Variants in CSMD1 observed in about 807,000 individuals in gnomAD.
CSMD1 encodes CUB and sushi domain-containing protein 1.
Under a neutral mutation model 417.5 loss-of-function variants are expected in CSMD1, and 213 were observed. That is an observed-to-expected ratio of 0.51 (90% confidence interval 0.46 to 0.57). CSMD1 has a LOEUF of 0.57. CSMD1 is among the 20% of genes least tolerant of loss of function. The probability of loss-of-function intolerance (pLI) is 0.00; values close to 1 mark genes in which losing one functional copy is unlikely to be tolerated. For missense variants in CSMD1, 6,923 were observed against 4,529.7 expected (o/e 1.53, Z -15.17); for synonymous variants, 2,862 against 1,736.8 (o/e 1.65, Z -16.11).
At chr8:3,286,684 T>C (rs955048413) in intron 25 of CSMD1, among the ~76,000 whole-genome samples, 2 of 151,510 alleles carry the variant, frequency 1.3e-5, no homozygotes, top group Admixed American at 6.6e-5. Context: ...GTTTTTTTCT[T>C]GTAAATTTGT....
intron 5 of CSMD1, among the ~76,000 whole-genome samples, chr8:3,956,448 G>C (rs187750958): frequency 1.3e-4 from 20 of 152,266 alleles, no homozygotes; most frequent in Admixed American, 1.1e-3. Flanking sequence ...GTTGCCTTGT[G>C]ATAGCTTGAG....
chr8:3,075,281 T>A (rs1300808170), intron 49 of CSMD1, among the ~76,000 whole-genome samples: 1 of 34,400 alleles, frequency 2.9e-5, no homozygotes, highest in East Asian at 5.6e-4. Flanking sequence ...TCTTTCTTTC[T>A]TTTTTTTTTT....
intron 1 of CSMD1, among the ~76,000 whole-genome samples, chr8:4,798,604 T>A (rs143573227): frequency 1.3e-5 from 2 of 152,298 alleles, no homozygotes; most frequent in East Asian, 3.9e-4. Context: ...TGTGTTGGAA[T>A]GCTTTTTCAA....
chr8:4,957,535 A>G (rs888243142), intron 1 of CSMD1, among the ~76,000 whole-genome samples: 2 of 152,222 alleles, frequency 1.3e-5, no homozygotes, highest in Admixed American at 1.3e-4. Flanking sequence ...AAGTGCTTAT[A>G]TGAGAAATTC....
chr8:4,459,822 G>C (rs966682103), intron 2 of CSMD1, among the ~76,000 whole-genome samples: 1 of 152,152 alleles, frequency 6.6e-6, no homozygotes, highest in East Asian at 1.9e-4. Context: ...GTGGTACTTT[G>C]TGTCACTGGG....
At chr8:3,945,522 G>A (rs1015910108) in intron 5 of CSMD1, among the ~76,000 whole-genome samples, 1 of 151,842 alleles carries the variant, frequency 6.6e-6, no homozygotes, top group African/African-American at 2.4e-5. Context: ...ATTGGTAATA[G>A]TGAAAGGCGT....
At chr8:4,194,524 C>G (rs1040379794) in intron 3 of CSMD1, among the ~76,000 whole-genome samples, 2 of 152,148 alleles carry the variant, frequency 1.3e-5, no homozygotes, top group African/African-American at 4.8e-5. Flanking sequence ...GGAAGCATCT[C>G]AACAACTATT....
intron 1 of CSMD1, among the ~76,000 whole-genome samples, chr8:4,912,859 T>C (rs1287415425): frequency 6.6e-6 from 1 of 152,030 alleles, no homozygotes; most frequent in Non-Finnish European, 1.5e-5. Context: ...AACCTTGGCT[T>C]ACTACAACCT....
intron 3 of CSMD1, among the ~76,000 whole-genome samples, chr8:4,041,017 C>CT (rs36145371): frequency 0.3 from 30,270 of 99,718 alleles, 4,798 homozygotes; most frequent in East Asian, 0.44. Context: ...TTTTTTTTTC[C>CT]TTTTTTTTTT....
At chr8:3,940,699 T>C (rs2129759443) in intron 5 of CSMD1, among the ~76,000 whole-genome samples, 1 of 152,146 alleles carries the variant, frequency 6.6e-6, no homozygotes, top group Middle Eastern at 3.4e-3. Context: ...ACATTGCTTT[T>C]TATAATACAA....
chr8:3,908,292 G>A (rs371756419), intron 5 of CSMD1, among the ~76,000 whole-genome samples: 16 of 152,150 alleles, frequency 1.1e-4, no homozygotes, highest in East Asian at 9.7e-4. Flanking sequence ...TCCCAACATC[G>A]CATATATCAT....
chr8:3,784,680 A>C (rs1799354691), intron 5 of CSMD1, among the ~76,000 whole-genome samples: 1 of 152,230 alleles, frequency 6.6e-6, no homozygotes, highest in Non-Finnish European at 1.5e-5. Flanking sequence ...TTGTCAGCAA[A>C]TTTTCAAATA....
At chr8:4,337,577 A>G (rs573109929) in intron 3 of CSMD1, among the ~76,000 whole-genome samples, 40 of 152,290 alleles carry the variant, frequency 2.6e-4, no homozygotes, top group African/African-American at 9.6e-4. Flanking sequence ...AGGCATATCA[A>G]TTCTTCAAAC....
chr8:3,182,116 A>T (rs1821370694), intron 36 of CSMD1, among the ~76,000 whole-genome samples: 1 of 152,234 alleles, frequency 6.6e-6, no homozygotes, highest in Non-Finnish European at 1.5e-5. Context: ...CTGCTGTATA[A>T]AGGGAGAAAT....
At chr8:4,766,214 G>T (rs975425106) in intron 1 of CSMD1, among the ~76,000 whole-genome samples, 2 of 152,286 alleles carry the variant, frequency 1.3e-5, no homozygotes, top group African/African-American at 4.8e-5. Context: ...CAGAGCATGT[G>T]CTGGTGCGTT....
chr8:3,942,149 G>T (rs1378001107), intron 5 of CSMD1, among the ~76,000 whole-genome samples: 1 of 151,904 alleles, frequency 6.6e-6, no homozygotes, highest in South Asian at 2.1e-4. Context: ...CCCCAGATGG[G>T]ACCATCTAGT....
At chr8:3,380,087 C>G (rs1810540050) in intron 18 of CSMD1, among the ~76,000 whole-genome samples, 1 of 152,152 alleles carries the variant, frequency 6.6e-6, no homozygotes, top group South Asian at 2.1e-4. Context: ...AGGATATGAA[C>G]AGACACTTCT....
chr8:3,708,462 C>T lies in CSMD1; in HGVS notation c.961G>A (p.Gly321Arg), dbSNP rs1464621780. The change falls in exon 7 of 70, where the codon GGA becomes AGA. Residue 321 changes from glycine to arginine, a missense_variant. Coordinates refer to ENST00000635120, the MANE Select transcript of CSMD1 (RefSeq NM_033225.6). ...VKKAIELKSRGVKMLPSKDGS... is the reference protein window; with the variant it reads ...VKKAIELKSRRVKMLPSKDGS... ...TCCTTGCTGGGCAGCATCTTGACTCCTCTTGACTTCAACTCAATCGCCTTT... is the reference window on the plus strand; with the variant it reads ...TCCTTGCTGGGCAGCATCTTGACTCTTCTTGACTTCAACTCAATCGCCTTT... The T allele has an allele frequency of 6.2e-7, 1 of 1,613,886 alleles. No homozygotes were observed. The highest frequency in any genetic ancestry group is 8.5e-7 in the Non-Finnish European group (1 of 1,179,876).
chr8:4,939,403 A>G (rs1394579896), intron 1 of CSMD1, among the ~76,000 whole-genome samples: 1 of 152,216 alleles, frequency 6.6e-6, no homozygotes, highest in Non-Finnish European at 1.5e-5. Flanking sequence ...AACCTCAGTG[A>G]CCCTCAACAG....
Sources: allele counts gnomAD v4.1 joint callset (sites outside exome capture counted in the v4.1 genomes callset), GRCh38; gene constraint gnomAD v4.1.1; transcripts MANE v1.5; gene names NCBI Gene and HGNC (gene_info 2026-07-23, HGNC 2026-07-21).